Variants in LPP observed in about 807,000 individuals in gnomAD.
LPP encodes lipoma-preferred partner.
Under a neutral mutation model 60.4 loss-of-function variants are expected in LPP, and 38 were observed. The observed-to-expected ratio is 0.63, with a 90% CI of 0.49 to 0.83. LPP has a LOEUF of 0.83. Ranked by LOEUF, LPP falls within the 40% of genes least tolerant of loss-of-function variation. The pLI, the probability that LPP is intolerant of heterozygous loss-of-function variation, is 0.00. For synonymous variants in LPP, 328 were observed against 290.8 expected (o/e 1.13, Z -1.30); for missense variants, 902 against 783.6 (o/e 1.15, Z -1.80).
intron 8 of LPP, among the ~76,000 whole-genome samples, chr3:188,731,744 G>T (rs1051873270): frequency 6.6e-6 from 1 of 151,882 alleles, no homozygotes; most frequent in Admixed American, 6.6e-5. Flanking sequence ...GGCTGATCTC[G>T]AACTCCTGAC....
chr3:188,861,710 C>T lies in LPP; in HGVS notation c.1411-4490C>T, dbSNP rs73888953. 5.0e-3 allele frequency among the ~76,000 whole-genome samples: 756 copies of T among 152,238 alleles called. 3 individuals are homozygous for T. The highest frequency in any genetic ancestry group is 0.017 in the African/African-American group (710 of 41,548). On this transcript the variant is annotated intron_variant, in intron 9 of 11. Transcript: ENST00000617246. ...CCAAAGATAGAAAAAAATACTACCC[C>T]ATTGTATCTCTGACTTAAAAACGTT...
chr3:188,446,034 T>C (rs942069083), intron 4 of LPP, among the ~76,000 whole-genome samples: 1 of 152,252 alleles, frequency 6.6e-6, no homozygotes, highest in African/African-American at 2.4e-5. Flanking sequence ...CCACTGTTTT[T>C]CTTTTTCAGT....
intron 4 of LPP, among the ~76,000 whole-genome samples, chr3:188,455,502 A>C (rs1200522476): frequency 6.6e-6 from 1 of 152,182 alleles, no homozygotes. Context: ...AATTTCCTTG[A>C]TTGGCAAAGT....
At chr3:188,787,876 A>G (rs561495910) in intron 9 of LPP, among the ~76,000 whole-genome samples, 4 of 152,294 alleles carry the variant, frequency 2.6e-5, no homozygotes, top group African/African-American at 4.8e-5. Context: ...CTGCAGCTGG[A>G]TCTCTCTGTA....
intron 1 of LPP, among the ~76,000 whole-genome samples, chr3:188,158,227 CTTT>C (rs1459931754): frequency 6.6e-6 from 1 of 151,954 alleles, no homozygotes; most frequent in East Asian, 1.9e-4. Flanking sequence ...GTGGGTGGGA[CTTT>C]TCCTGGAATC....
intron 3 of LPP, among the ~76,000 whole-genome samples, chr3:188,392,144 T>G (rs1779851337): frequency 6.6e-6 from 1 of 152,154 alleles, no homozygotes; most frequent in Non-Finnish European, 1.5e-5. Context: ...GGAACCAGAG[T>G]AACAATTACG....
intron 2 of LPP, among the ~76,000 whole-genome samples, chr3:188,256,317 G>T (rs1374762780): frequency 6.6e-6 from 1 of 152,094 alleles, no homozygotes; most frequent in African/African-American, 2.4e-5. Flanking sequence ...ATTACAGTTT[G>T]TTAGCTAGAT....
intron 8 of LPP, among the ~76,000 whole-genome samples, chr3:188,755,809 C>CAAAAAAAAAAAAAAAAAAAAAAA (rs58696911): frequency 2.7e-5 from 2 of 73,994 alleles, no homozygotes; most frequent in Non-Finnish European, 5.5e-5. Flanking sequence ...GATCCTGTCA[C>CAAAAAAAAAAAAAAAAAAAAAAA]AAAAAAAAAA....
chr3:188,858,924 TGCTAAAAATAAAAAATTA>T (rs1215100671), intron 9 of LPP, among the ~76,000 whole-genome samples: 3 of 151,672 alleles, frequency 2.0e-5, no homozygotes, highest in African/African-American at 7.3e-5. Flanking sequence ...ACCCTGTCTC[TGCTAAAAATAAAAAATTA>T]GCTGGGTGTG....
intron 7 of LPP, among the ~76,000 whole-genome samples, chr3:188,698,114 C>T (rs1056326891): frequency 6.6e-5 from 10 of 151,942 alleles, no homozygotes; most frequent in Admixed American, 3.9e-4. Flanking sequence ...GTGATAAAAC[C>T]TTTTTTTCCC....
chr3:188,203,525 A>AT lies in LPP; in HGVS notation c.-189-21880_-189-21879insT, dbSNP rs1560107501. 1.7e-3 allele frequency among the ~76,000 whole-genome samples: 60 copies of AT among 34,386 alleles called. 1 individual carries two copies. Among genetic ancestry groups the AT allele is most frequent in the Non-Finnish European group, 3.3e-3 (49 of 14,770 alleles). 22.6% of individuals were successfully genotyped at this position (34,386 alleles called of 152,430 possible). On this transcript the variant is annotated intron_variant, in intron 1 of 11. Transcript: ENST00000617246. ...TAAATATATATATTTAAATATATATAAATATATATTTAAATATATATATAT... is the reference window on the plus strand; with the variant it reads ...TAAATATATATATTTAAATATATATATAATATATATTTAAATATATATATAT...
Position 188,651,741 on chromosome 3 carries a change from A to G in LPP, c.1113+41897A>G, listed in dbSNP as rs753800663. On this transcript the variant is annotated intron_variant, in intron 7 of 11. Transcript: ENST00000617246. The stretch of plus-strand genomic sequence containing the variant: ...GAGACTTATTTACTATCATGAGAAC[A>G]GCACGGGAAAGGCCTGCCCCCATGA... Among the ~76,000 whole-genome samples the G allele has an allele frequency of 2.3e-4, 35 of 152,318 alleles. No individual in the cohort carries two copies. The Middle Eastern group carries it at 0.01, about 44-fold the overall frequency.
chr3:188,648,366 G>A (rs1851477929), intron 7 of LPP, among the ~76,000 whole-genome samples: 1 of 152,154 alleles, frequency 6.6e-6, no homozygotes, highest in South Asian at 2.1e-4. Flanking sequence ...TGAGCTCACA[G>A]AGGTTTACAT....
intron 6 of LPP, among the ~76,000 whole-genome samples, chr3:188,561,535 C>T (rs1222823843): frequency 6.6e-6 from 1 of 152,022 alleles, no homozygotes; most frequent in Admixed American, 6.6e-5. Context: ...GACTAAAAGT[C>T]GGAGGAGCAG....
intron 7 of LPP, among the ~76,000 whole-genome samples, chr3:188,639,380 G>C (rs1849562862): frequency 6.6e-6 from 1 of 150,986 alleles, no homozygotes; most frequent in East Asian, 1.9e-4. Context: ...ATGGATTAAA[G>C]ACTTAAATGT....
chr3:188,499,538 G>A (rs1465102061), intron 5 of LPP, among the ~76,000 whole-genome samples: 1 of 152,150 alleles, frequency 6.6e-6, no homozygotes, highest in Non-Finnish European at 1.5e-5. Flanking sequence ...AAATCAGGAA[G>A]TGTCGGTCCT....
At chr3:188,240,283 AG>A in intron 2 of LPP, 1 of 170,060 alleles carries the variant, frequency 5.9e-6, no homozygotes, top group Non-Finnish European at 1.3e-5. Flanking sequence ...GGGTAGGAAT[AG>A]CTTACAGCTT....
intron 4 of LPP, among the ~76,000 whole-genome samples, chr3:188,421,735 C>T (rs999356930): frequency 1.3e-5 from 2 of 152,106 alleles, no homozygotes; most frequent in East Asian, 1.9e-4. Context: ...TGCCTGTCTC[C>T]ATCTGCTTAA....
Position 188,600,984 on chromosome 3 carries a change from C to T in LPP, c.430-8177C>T, listed in dbSNP as rs145257481. On this transcript the variant is annotated intron_variant, in intron 6 of 11. Coordinates refer to ENST00000617246, the MANE Select transcript of LPP (RefSeq NM_001375462.1). ...TGTGTGTGTGTATATATATATATCA[C>T]ATTTTATTTATCCATTCATCCATCA... Among the ~76,000 whole-genome samples the T allele has an allele frequency of 7.8e-3, 1,180 of 151,992 alleles. 18 individuals carry two copies. Among genetic ancestry groups the T allele is most frequent in the African/African-American group, 0.027 (1,100 of 41,460 alleles).
Sources: gnomAD v4.1 joint callset for allele counts (sites outside exome capture counted in the v4.1 genomes callset) on GRCh38, gnomAD v4.1.1 for gene constraint, MANE v1.5 for transcripts, NCBI Gene and HGNC (gene_info 2026-07-23, HGNC 2026-07-21) for gene names.